Variants in SEMA5A observed in about 807,000 individuals in gnomAD.
SEMA5A encodes semaphorin-5A.
A neutral mutation model predicts 135.5 loss-of-function variants in SEMA5A; 55 were observed. That is an observed-to-expected ratio of 0.41 (90% confidence interval 0.33 to 0.51). The LOEUF is 0.51. Ranked by LOEUF, SEMA5A falls within the 20% of genes least tolerant of loss-of-function variation. The pLI is 0.37. For synonymous variants in SEMA5A, 580 were observed against 546.5 expected (o/e 1.06, Z -0.85); for missense variants, 1,290 against 1,419.9 (o/e 0.91, Z 1.47).
chr5:9,219,017 T>C (rs781149129), intron 8 of SEMA5A, among the ~76,000 whole-genome samples: 1 of 152,198 alleles, frequency 6.6e-6, no homozygotes, highest in African/African-American at 2.4e-5. Context: ...CACTTTATTC[T>C]CACAATGTCC....
chr5:9,052,905 AG>A (rs1459603469), intron 19 of SEMA5A, among the ~76,000 whole-genome samples: 1 of 152,220 alleles, frequency 6.6e-6, no homozygotes, highest in African/African-American at 2.4e-5. Flanking sequence ...TTTAAATAGA[AG>A]CATCCACTTT....
intron 5 of SEMA5A, among the ~76,000 whole-genome samples, chr5:9,241,604 C>T (rs1006968341): frequency 6.6e-6 from 1 of 151,256 alleles, no homozygotes; most frequent in African/African-American, 2.4e-5. Context: ...ATGGAAAACC[C>T]ATTTTATATC....
rs773789880 is a variant in SEMA5A, at chr5:9,197,254, C to A, written c.982G>T (p.Ala328Ser). The A allele has an allele frequency of 3.7e-6, 6 of 1,614,164 alleles. No homozygotes were observed. Among genetic ancestry groups the A allele is most frequent in the Non-Finnish European group, 4.2e-6 (5 of 1,180,032 alleles). ...AVCVFNLSAI[A>S]QAFSGPFKYQ... ...TTGAAGGGCCCAGAGAAGGCCTGCG[C>A]GATGGCGCTCAGGTTGAAGACGCAC... is the stretch of plus-strand genomic sequence containing the variant. Residue 328 changes from alanine (A) to serine (S), a missense_variant, in exon 10 of 23, where the codon GCG becomes TCG. By Grantham distance (99) the Ala-to-Ser change is moderately conservative. Transcript: ENST00000382496.
chr5:9,471,020 G>C (rs1759457847), intron 1 of SEMA5A, among the ~76,000 whole-genome samples: 1 of 152,160 alleles, frequency 6.6e-6, no homozygotes, highest in Non-Finnish European at 1.5e-5. Flanking sequence ...TTCTCAAGTA[G>C]AGTAGGTAGC....
chr5:9,279,011 G>A (rs1393410541), intron 5 of SEMA5A, among the ~76,000 whole-genome samples: 1 of 152,224 alleles, frequency 6.6e-6, no homozygotes, highest in South Asian at 2.1e-4. Context: ...GCTGGCAGAA[G>A]AGGGCCACCA....
At chr5:9,197,780 G>GTGTGTGTGTGTGTT (rs1402121195) in intron 9 of SEMA5A, among the ~76,000 whole-genome samples, 2 of 103,952 alleles carry the variant, frequency 1.9e-5, no homozygotes. Context: ...GTGTGTGTGT[G>GTGTGTGTGTGTGTT]TGTGTTTTAA....
At chr5:9,115,500 C>A (rs1471806993) in intron 15 of SEMA5A, among the ~76,000 whole-genome samples, 2 of 152,208 alleles carry the variant, frequency 1.3e-5, no homozygotes, top group Non-Finnish European at 2.9e-5. Flanking sequence ...AGCTGTTATC[C>A]TTTGCCTGAC....
chr5:9,391,877 T>C (rs1448035540), intron 2 of SEMA5A, among the ~76,000 whole-genome samples: 8 of 152,168 alleles, frequency 5.3e-5, no homozygotes. Context: ...AAATGCAAGA[T>C]CCTGACCCCA....
intron 1 of SEMA5A, among the ~76,000 whole-genome samples, chr5:9,515,239 A>G (rs62342583): frequency 0.062 from 9,448 of 152,254 alleles, 365 homozygotes; most frequent in South Asian, 0.11. Context: ...AGTGTCCACC[A>G]TATATCACTA....
At chr5:9,217,753 G>T (rs990302892) in intron 8 of SEMA5A, among the ~76,000 whole-genome samples, 1 of 152,100 alleles carries the variant, frequency 6.6e-6, no homozygotes, top group Non-Finnish European at 1.5e-5. Flanking sequence ...CAAGCTCTGA[G>T]ATTCTTTCCT....
Position 9,312,740 on chromosome 5 carries a change from T to A in SEMA5A, c.270+5632A>T, listed in dbSNP as rs557429027. On this transcript the variant is annotated intron_variant, in intron 5 of 22. Transcript: ENST00000382496. ...TTCTAGTTTGTCAAAAAGACAAGAT[T>A]TTTTTTGGCAAAAGGGAAGAGACTT... Among the ~76,000 whole-genome samples, 16 of 152,256 alleles carry A rather than the reference T, an allele frequency of 1.1e-4. No homozygotes were observed. The South Asian group carries it at 3.1e-3, about 30-fold the overall frequency.
At chr5:9,365,689 G>A (rs1754886680) in intron 3 of SEMA5A, among the ~76,000 whole-genome samples, 1 of 152,052 alleles carries the variant, frequency 6.6e-6, no homozygotes, top group Non-Finnish European at 1.5e-5. Context: ...ACACCTAGAG[G>A]CAGCCACACA....
intron 8 of SEMA5A, among the ~76,000 whole-genome samples, chr5:9,210,151 G>A (rs1394502332): frequency 6.6e-6 from 1 of 152,192 alleles, no homozygotes; most frequent in Non-Finnish European, 1.5e-5. Context: ...GGTAGCAGGA[G>A]AAAGAAAGAT....
intron 7 of SEMA5A, 111 bp from the exon 8 acceptor site, chr5:9,224,998 G>A: frequency 1.0e-6 from 1 of 987,156 alleles, no homozygotes; most frequent in Non-Finnish European, 1.5e-6. Flanking sequence ...AGCCTCTCGG[G>A]GGCCCATGGG....
chr5:9,189,302 G>A (rs35842518), intron 11 of SEMA5A, among the ~76,000 whole-genome samples: 12,667 of 152,110 alleles, frequency 0.083, 548 homozygotes, highest in East Asian at 0.17. Flanking sequence ...GTCCAGCAGG[G>A]CAGGTGATGC....
At chr5:9,346,686 G>T (rs889864524) in intron 3 of SEMA5A, among the ~76,000 whole-genome samples, 1 of 152,174 alleles carries the variant, frequency 6.6e-6, no homozygotes, top group Non-Finnish European at 1.5e-5. Flanking sequence ...CCCTGCTAGT[G>T]CCAAAGTGGC....
chr5:9,535,598 A>G (rs1380456357), intron 1 of SEMA5A, among the ~76,000 whole-genome samples: 2 of 151,406 alleles, frequency 1.3e-5, no homozygotes, highest in African/African-American at 2.4e-5. Flanking sequence ...GGAGGAGTGG[A>G]TCGGCAGAGT....
Position 9,545,393 on chromosome 5 carries a change from G to T in SEMA5A, c.-175+191C>A, listed in dbSNP as rs952671225. Among the ~76,000 whole-genome samples, 6 of 151,990 alleles carry T rather than the reference G, an allele frequency of 3.9e-5. No individual in the cohort carries two copies. Among genetic ancestry groups the T allele is most frequent in the Non-Finnish European group, 8.8e-5 (6 of 68,004 alleles). ...CACTAGCTCAACTGTGGGCGCCCCC[G>T]GACTGACGGTCGTCCTAATCCTGTA... On this transcript the variant is annotated intron_variant, in intron 1 of 22. Coordinates refer to ENST00000382496, the MANE Select transcript of SEMA5A (RefSeq NM_003966.3). The surrounding 1 kb of genome is among the most constrained non-coding windows in gnomAD (Gnocchi z 4.5).
chr5:9,090,955 T>A (rs1236445215), intron 16 of SEMA5A, among the ~76,000 whole-genome samples: 1 of 152,212 alleles, frequency 6.6e-6, no homozygotes, highest in Non-Finnish European at 1.5e-5. Context: ...AGTGCCAGGC[T>A]TGTAAAACCT....
Sources: gnomAD v4.1 joint callset for allele counts (sites outside exome capture counted in the v4.1 genomes callset) on GRCh38, gnomAD v4.1.1 for gene constraint, Gnocchi (gnomAD v3.1) non-coding constraint, MANE v1.5 for transcripts, NCBI Gene and HGNC (gene_info 2026-07-23, HGNC 2026-07-21) for gene names.